The following KANSL1 variants were observed in gnomAD, a reference collection of about 807,000 sequenced individuals.
The protein encoded by KANSL1 is MLL1/MLL complex subunit KANSL1.
KANSL1 carries 22 observed loss-of-function variants against 103.6 expected under a neutral mutation model. That is an observed-to-expected ratio of 0.21 (90% CI 0.15 to 0.30). The LOEUF is 0.30. Ranked by LOEUF, KANSL1 falls within the 10% of genes least tolerant of loss-of-function variation. KANSL1 has a pLI of 1.00. For synonymous variants in KANSL1, 600 were observed against 527.6 expected, an observed-to-expected ratio of 1.14 and a Z score of -1.88; for missense variants, 1,337 against 1,399.8, an observed-to-expected ratio of 0.96 and a Z score of 0.72.
At chr17:46,032,348 T>C (rs2077035227) in intron 13 of KANSL1, 49 bp from the exon 14 acceptor site, 1 of 1,480,502 alleles carries the variant, frequency 6.8e-7, no homozygotes, top group Non-Finnish European at 9.0e-7. Flanking sequence ...TGTTTACTTA[T>C]GGGGGTAGAG....
chr17:46,030,255 A>G lies in KANSL1; in HGVS notation c.*1221T>C, dbSNP rs567201128. The G allele has an allele frequency of 6.6e-6, 1 of 152,406 alleles. No individual in the cohort carries two copies. The highest frequency in any genetic ancestry group is 2.1e-4 in the South Asian group (1 of 4,820). The allele number at this position is 152,406 out of a possible 1,614,324, so 9.4% of individuals were successfully genotyped here. A position where few individuals can be genotyped will look rare whatever the true frequency, so the allele number is the denominator to read the frequency against. Reference sequence around the variant, plus strand: ...GCATTATTGTATTTTTTTTTAAAGAAACAATGACAAACCCTTTAACTTGCA... The same window carrying G: ...GCATTATTGTATTTTTTTTTAAAGAGACAATGACAAACCCTTTAACTTGCA... On this transcript the variant is annotated 3_prime_UTR_variant, in exon 15 of 15. Transcript: ENST00000432791.
At chr17:46,207,944 C>T (rs1310819913) in intron 1 of KANSL1, among the ~76,000 whole-genome samples, 4 of 152,088 alleles carry the variant, frequency 2.6e-5, no homozygotes, top group Non-Finnish European at 5.9e-5. Context: ...AACCCCGTCT[C>T]TACTAAAAAG....
In KANSL1 at chr17:46,192,470, CAAGAG is replaced by C. The variant is rs141752007; in HGVS notation, c.-90+348_-90+352del. 0.11 allele frequency: 17,121 copies of C among 150,624 alleles called. No homozygotes were observed. Among genetic ancestry groups the C allele is most frequent in the Non-Finnish European group, 0.17 (11,498 of 66,566 alleles). 9.3% of individuals were successfully genotyped at this position (150,624 alleles called of 1,614,324 possible). The stretch of plus-strand genomic sequence containing the variant: ...CGAGCAGAGAAAGGCCTTTTGCAGT[CAAGAG>C]AAGTTCAAGGCGAGAGCCAGAGTTT... On this transcript the variant is annotated intron_variant, in intron 1 of 14. Transcript: ENST00000432791.
chr17:46,034,377 A>G, intron 10 of KANSL1, 92 bp from the exon 11 acceptor site: 1 of 1,440,978 alleles, frequency 6.9e-7, no homozygotes, highest in Non-Finnish European at 9.6e-7. Context: ...ACCAATAACC[A>G]AGCATCTGGG....
chr17:46,189,062 A>AAAAAAC (rs2047177247), intron 1 of KANSL1, among the ~76,000 whole-genome samples: 1 of 137,886 alleles, frequency 7.3e-6, no homozygotes, highest in African/African-American at 2.8e-5. Context: ...AAAAAAAAAA[A>AAAAAAC]AAAAGACAAG....
At position 46,171,587 on chromosome 17, in the gene KANSL1, G is replaced by T. The variant is rs535224667; in HGVS notation, c.557C>A (p.Ser186Tyr). 5.6e-6 allele frequency: 9 copies of T among 1,594,100 alleles called. No individual in the cohort carries two copies. In the East Asian group the frequency reaches 2.0e-4, roughly 36 times the overall value. Reference sequence around the variant, plus strand: ...TCCCATTTCACCCCCATGAAGAGCAGATGAAGTGAGAGCCCGTTTTCCCCC... The same window carrying T: ...TCCCATTTCACCCCCATGAAGAGCATATGAAGTGAGAGCCCGTTTTCCCCC... ...LNGGKRALTS[S>Y]ALHGGEMGGS... The change falls in exon 2 of 15, where the codon TCT (serine) becomes TAT (tyrosine). Residue 186 changes from serine to tyrosine, a missense_variant. Coordinates refer to ENST00000432791, the MANE Select transcript of KANSL1 (RefSeq NM_015443.4).
intron 1 of KANSL1, among the ~76,000 whole-genome samples, chr17:46,200,038 T>TACACACACACAC (rs143234563): frequency 0.075 from 10,958 of 146,916 alleles, 19 homozygotes; most frequent in Non-Finnish European, 0.11. Context: ...TCAATGAGTT[T>TACACACACACAC]ACACACACAC....
At position 46,039,178 on chromosome 17, in the gene KANSL1, G is replaced by A. The variant is rs1369193560; in HGVS notation, c.2241C>T (p.His747=). 6.2e-7 allele frequency: 1 copy of A among 1,602,854 alleles called. No homozygotes were observed. The highest frequency in any genetic ancestry group is 8.5e-7 in the Non-Finnish European group (1 of 1,176,288). Residue 747 remains histidine, a synonymous_variant, in exon 9 of 15, where the codon CAC becomes CAT. Coordinates refer to ENST00000432791, the MANE Select transcript of KANSL1 (RefSeq NM_015443.4). The stretch of plus-strand genomic sequence containing the variant: ...CCCCCACATCGTCTAAGTGCTGCCT[G>A]TGGGTCCTGTCAGGCCGGGTTTGGT... The part of the protein sequence containing the change: ...SHHQTRPDRT[H]RQHLDDVGAV...
chr17:46,092,548 G>T (rs1013569362), intron 3 of KANSL1, among the ~76,000 whole-genome samples: 3 of 152,100 alleles, frequency 2.0e-5, no homozygotes, highest in African/African-American at 7.2e-5. Flanking sequence ...AACAAAGAAA[G>T]CCAATAGCAT....
At chr17:46,090,492 A>G (rs1397051641) in intron 3 of KANSL1, among the ~76,000 whole-genome samples, 3 of 152,248 alleles carry the variant, frequency 2.0e-5, no homozygotes, top group African/African-American at 7.2e-5. Flanking sequence ...CGGAACTCTG[A>G]GAAGTAAAAG....
intron 1 of KANSL1, among the ~76,000 whole-genome samples, chr17:46,216,755 A>T (rs2148047849): frequency 6.6e-6 from 1 of 152,326 alleles, no homozygotes; most frequent in South Asian, 2.1e-4. Context: ...TCTAGTACCC[A>T]TGATAAATGA....
chr17:46,125,789 G>GT (rs559639210), intron 2 of KANSL1, among the ~76,000 whole-genome samples: 88 of 152,214 alleles, frequency 5.8e-4, no homozygotes, highest in African/African-American at 2.0e-3. Flanking sequence ...TACCATCATT[G>GT]TTGTCCATTT....
At chr17:46,086,335 A>G (rs937106433) in intron 3 of KANSL1, among the ~76,000 whole-genome samples, 2 of 152,226 alleles carry the variant, frequency 1.3e-5, no homozygotes, top group Non-Finnish European at 2.9e-5. Flanking sequence ...TTATAGACCC[A>G]CAGAGGATGT....
intron 2 of KANSL1, among the ~76,000 whole-genome samples, chr17:46,125,075 AGGGAGG>A (rs2043479763): frequency 1.0e-4 from 2 of 19,112 alleles, no homozygotes; most frequent in African/African-American, 3.6e-4. Flanking sequence ...GGGAGGAGGG[AGGGAGG>A]GAGAGAGGGA....
In KANSL1 at chr17:46,126,541, A is replaced by G. The variant is rs1377412972; in HGVS notation, c.1290-31840T>C. On this transcript the variant is annotated intron_variant, in intron 2 of 14. Transcript: ENST00000432791. ...CATATTGGGTTCTGGATAATATGTC[A>G]AGGAGATATACTATTTTGGAATATT... 3.9e-5 allele frequency among the ~76,000 whole-genome samples: 6 copies of G among 152,354 alleles called. No homozygotes were observed. In the East Asian group the frequency reaches 5.8e-4, roughly 15 times the overall value.
At chr17:46,034,632 C>T in intron 10 of KANSL1, 1 of 242,178 alleles carries the variant, frequency 4.1e-6, no homozygotes, top group East Asian at 1.6e-4. Context: ...TCTCCTTTTA[C>T]AATCTTTATT....
At chr17:46,084,413 T>C (rs372203292) in intron 3 of KANSL1, among the ~76,000 whole-genome samples, 30 of 147,412 alleles carry the variant, frequency 2.0e-4, no homozygotes, top group Middle Eastern at 3.6e-3. Context: ...CAAAAATGAA[T>C]TGGAGGCTGG....
At chr17:46,205,366 T>C (rs554060064) in intron 1 of KANSL1, among the ~76,000 whole-genome samples, 7 of 151,314 alleles carry the variant, frequency 4.6e-5, no homozygotes, top group Admixed American at 1.3e-4. Flanking sequence ...CCACTTACAA[T>C]AGCATCCCCC....
At chr17:46,130,946 G>A (rs6503457) in intron 2 of KANSL1, among the ~76,000 whole-genome samples, 10 of 152,018 alleles carry the variant, frequency 6.6e-5, no homozygotes, top group Non-Finnish European at 1.2e-4. Flanking sequence ...AGCACAAGAG[G>A]AAAGCAAAAC....
Sources: allele counts gnomAD v4.1 joint callset (sites outside exome capture counted in the v4.1 genomes callset), GRCh38; gene constraint gnomAD v4.1.1; transcripts MANE v1.5; gene names NCBI Gene and HGNC (gene_info 2026-07-23, HGNC 2026-07-21).